SPAG16: variants seen among roughly 807,000 people sequenced by gnomAD.
The protein encoded by SPAG16 is sperm-associated antigen 16 protein.
In SPAG16, 86 loss-of-function variants were observed where a neutral mutation model predicts 80.4. The ratio of observed to expected loss-of-function variants is 1.07; its 90% CI spans 0.90 to 1.28. The LOEUF (loss-of-function observed/expected upper bound fraction) is 1.28. Among genes scored for constraint, SPAG16 ranks in the 50% most tolerant of loss-of-function variants. The pLI is 0.00. For missense variants in SPAG16, 870 were observed against 765.3 expected (o/e 1.14, Z -1.61); for synonymous variants, 294 against 265.9 (o/e 1.11, Z -1.03).
intron 15 of SPAG16, among the ~76,000 whole-genome samples, chr2:214,246,944 T>A (rs1449099098): frequency 6.6e-6 from 1 of 152,176 alleles, no homozygotes; most frequent in East Asian, 1.9e-4. Context: ...GTGCCTTGAA[T>A]TGTTTCAGGA....
chr2:213,753,534 T>G (rs536157649), intron 10 of SPAG16, among the ~76,000 whole-genome samples: 2 of 152,326 alleles, frequency 1.3e-5, no homozygotes, highest in South Asian at 4.1e-4. Context: ...GAATGTATAT[T>G]CAGATTAAGA....
intron 13 of SPAG16, among the ~76,000 whole-genome samples, chr2:214,090,739 AT>A (rs2052132508): frequency 1.3e-5 from 2 of 151,868 alleles, no homozygotes; most frequent in African/African-American, 4.8e-5. Flanking sequence ...GAATATCCTG[AT>A]TTTACTTTCT....
chr2:214,283,928 G>C (rs185701567), intron 15 of SPAG16, among the ~76,000 whole-genome samples: 1 of 152,086 alleles, frequency 6.6e-6, no homozygotes, highest in African/African-American at 2.4e-5. Flanking sequence ...AATAAAGGGG[G>C]CAATAAAATC....
At chr2:214,113,662 T>G (rs2053787421) in intron 14 of SPAG16, among the ~76,000 whole-genome samples, 1 of 152,258 alleles carries the variant, frequency 6.6e-6, no homozygotes, top group Admixed American at 6.5e-5. Context: ...GCCATGGTTT[T>G]CAGCTCCATC....
At chr2:213,468,521 G>T (rs1251296328) in intron 9 of SPAG16, among the ~76,000 whole-genome samples, 1 of 127,366 alleles carries the variant, frequency 7.9e-6, no homozygotes, top group African/African-American at 3.2e-5. Context: ...ATATATCTAT[G>T]TATTTATATA....
At chr2:213,337,058 G>T (rs2124925628) in intron 5 of SPAG16, among the ~76,000 whole-genome samples, 1 of 152,278 alleles carries the variant, frequency 6.6e-6, no homozygotes, top group South Asian at 2.1e-4. Flanking sequence ...CTCTGCTGGT[G>T]ATACCTCCAG....
intron 10 of SPAG16, among the ~76,000 whole-genome samples, chr2:213,622,985 C>A (rs1390034338): frequency 6.6e-6 from 1 of 152,144 alleles, no homozygotes; most frequent in East Asian, 1.9e-4. Context: ...CGAAGCCTTC[C>A]ATTTGTTCTT....
intron 10 of SPAG16, among the ~76,000 whole-genome samples, chr2:213,716,248 A>C (rs1365362807): frequency 6.6e-6 from 1 of 152,196 alleles, no homozygotes; most frequent in Non-Finnish European, 1.5e-5. Context: ...TCTTCATACG[A>C]AAATAGAGAT....
At chr2:213,386,139 C>A (rs2067417766) in intron 9 of SPAG16, among the ~76,000 whole-genome samples, 1 of 152,020 alleles carries the variant, frequency 6.6e-6, no homozygotes, top group African/African-American at 2.4e-5. Flanking sequence ...GAATTGTGGC[C>A]TTGTCTTAAA....
chr2:214,140,383 A>G (rs2055288297), intron 14 of SPAG16, among the ~76,000 whole-genome samples: 1 of 151,772 alleles, frequency 6.6e-6, no homozygotes, highest in Non-Finnish European at 1.5e-5. Context: ...CTTGAAACTT[A>G]TTTTGTGGCT....
chr2:213,389,579 A>C (rs1387210559), intron 9 of SPAG16, among the ~76,000 whole-genome samples: 2 of 152,306 alleles, frequency 1.3e-5, no homozygotes, highest in East Asian at 3.9e-4. Flanking sequence ...AATCCAAAAA[A>C]GGACTTTAAT....
chr2:214,202,955 C>T (rs898971671), intron 15 of SPAG16, among the ~76,000 whole-genome samples: 3 of 152,182 alleles, frequency 2.0e-5, no homozygotes, highest in Non-Finnish European at 4.4e-5. Flanking sequence ...ATTGCCTTCT[C>T]TTTTGGTACA....
At chr2:213,604,182 G>A (rs1490475215) in intron 10 of SPAG16, among the ~76,000 whole-genome samples, 2 of 152,098 alleles carry the variant, frequency 1.3e-5, no homozygotes, top group African/African-American at 2.4e-5. Context: ...ATGAGCCACC[G>A]TGCCCTGCCT....
At chr2:214,396,256 GTTTA>G (rs1701371699) in intron 15 of SPAG16, among the ~76,000 whole-genome samples, 2 of 150,816 alleles carry the variant, frequency 1.3e-5, no homozygotes, top group Admixed American at 1.3e-4. Context: ...GCTTTTTGTT[GTTTA>G]TTTTAATAAA....
chr2:214,037,424 G>A (rs2048755639), intron 13 of SPAG16, among the ~76,000 whole-genome samples: 1 of 151,902 alleles, frequency 6.6e-6, no homozygotes, highest in East Asian at 1.9e-4. Flanking sequence ...ATTATGAAAT[G>A]TACTTATGTA....
chr2:213,426,264 C>T (rs567786581), intron 9 of SPAG16, among the ~76,000 whole-genome samples: 51 of 152,004 alleles, frequency 3.4e-4, no homozygotes, highest in African/African-American at 1.2e-3. Context: ...TAATGTTAAC[C>T]ATAGAAACTT....
chr2:213,488,241 C>T (rs2074076852), intron 9 of SPAG16, among the ~76,000 whole-genome samples: 1 of 152,008 alleles, frequency 6.6e-6, no homozygotes, highest in Non-Finnish European at 1.5e-5. Context: ...TTTTTAAGTG[C>T]ATGTGTGTAT....
At chr2:214,153,823 C>A (rs1297190814) in intron 15 of SPAG16, among the ~76,000 whole-genome samples, 1 of 151,900 alleles carries the variant, frequency 6.6e-6, no homozygotes, top group Non-Finnish European at 1.5e-5. Context: ...GGAATCACCC[C>A]CTAGAGTTTA....
chr2:214,112,401 G>A (rs1223452713), intron 14 of SPAG16, among the ~76,000 whole-genome samples: 1 of 152,068 alleles, frequency 6.6e-6, no homozygotes, highest in African/African-American at 2.4e-5. Context: ...GTCTAATATT[G>A]ACAGTGGGGT....
Sources: gnomAD v4.1 joint callset for allele counts (sites outside exome capture counted in the v4.1 genomes callset) on GRCh38, gnomAD v4.1.1 for gene constraint, MANE v1.5 for transcripts, NCBI Gene and HGNC (gene_info 2026-07-23, HGNC 2026-07-21) for gene names.